NHSL2: variants seen among roughly 807,000 people sequenced by gnomAD.
The protein encoded by NHSL2 is NHS-like protein 2.
A neutral mutation model predicts 53.4 loss-of-function variants in NHSL2; 27 were observed. The observed-to-expected ratio is 0.51, with a 90% CI of 0.37 to 0.70. The LOEUF (loss-of-function observed/expected upper bound fraction) is 0.70, where lower values mean the gene tolerates loss of function less well. NHSL2 is among the 30% of genes least tolerant of loss of function. NHSL2 has a pLI of 0.00. For synonymous variants in NHSL2, 408 were observed against 404.1 expected (o/e 1.01, Z -0.12); for missense variants, 892 against 980.1 (o/e 0.91, Z 1.20).
Position 72,004,700 on chromosome X carries a change from G to A in NHSL2, c.280+93333G>A, listed in dbSNP as rs942149929. On this transcript the variant is annotated intron_variant, in intron 1 of 7. Coordinates refer to ENST00000633930, the MANE Select transcript of NHSL2 (RefSeq NM_001013627.3). ...CCTACCGCCCCGCCCCAGTCCCAGG[G>A]GACTGTCTGCTAGGACCTGTCCGCT... 6.5e-5 allele frequency among the ~76,000 whole-genome samples: 7 copies of A among 106,963 alleles called. No homozygotes were observed. In the South Asian group the frequency reaches 3.1e-3, roughly 47 times the overall value. The allele number at this position is 106,963 out of a possible 115,157, so 92.9% of individuals were successfully genotyped here.
chrX:72,119,283 G>A (rs1053869491), intron 1 of NHSL2, among the ~76,000 whole-genome samples: 1 of 111,829 alleles, frequency 8.9e-6, no homozygotes, highest in Non-Finnish European at 1.9e-5. Flanking sequence ...ATGGATTTTA[G>A]GATCAGGTGG....
chrX:72,094,909 G>T (rs941783003), intron 1 of NHSL2, among the ~76,000 whole-genome samples: 8 of 112,040 alleles, frequency 7.1e-5, no homozygotes, highest in Admixed American at 5.7e-4. Flanking sequence ...CCATTGCAAC[G>T]CAGGGTGCAG....
intron 1 of NHSL2, among the ~76,000 whole-genome samples, chrX:72,071,912 T>G (rs1420905017): frequency 8.9e-6 from 1 of 112,367 alleles, no homozygotes. Flanking sequence ...TGAGCCCCTC[T>G]CTTATCCTAC....
intron 1 of NHSL2, among the ~76,000 whole-genome samples, chrX:72,064,227 G>A (rs767662900): frequency 1.8e-5 from 2 of 111,843 alleles, no homozygotes; most frequent in East Asian, 2.8e-4. Flanking sequence ...AGGGGTAGCC[G>A]CTGGCAGGCT....
intron 1 of NHSL2, among the ~76,000 whole-genome samples, chrX:72,113,276 G>A (rs1413955278): frequency 9.0e-6 from 1 of 111,631 alleles, no homozygotes; most frequent in Admixed American, 9.5e-5. Context: ...GAAACAGATG[G>A]GAGGTGGGGT....
chrX:72,131,280 C>G, intron 1 of NHSL2: 1 of 1,200,122 alleles, frequency 8.3e-7, no homozygotes, highest in Non-Finnish European at 1.1e-6. Flanking sequence ...GAGGCCGGCA[C>G]AAGAAGGGCA....
intron 1 of NHSL2, among the ~76,000 whole-genome samples, chrX:71,915,401 TC>T (rs2041623445): frequency 9.0e-6 from 1 of 111,369 alleles, no homozygotes; most frequent in African/African-American, 3.3e-5. Context: ...ACACTTGACA[TC>T]CCGGACCCAG....
intron 1 of NHSL2, among the ~76,000 whole-genome samples, chrX:72,001,456 C>T (rs942693676): frequency 8.9e-6 from 1 of 111,824 alleles, no homozygotes; most frequent in Non-Finnish European, 1.9e-5. Flanking sequence ...GTACTTTTCC[C>T]ACCCCTGCCA....
At chrX:72,106,456 C>G (rs1196191622) in intron 1 of NHSL2, among the ~76,000 whole-genome samples, 2 of 111,878 alleles carry the variant, frequency 1.8e-5, no homozygotes, top group Non-Finnish European at 3.8e-5. Flanking sequence ...ATTAAAAAGT[C>G]AGGAAACAAC....
At chrX:72,038,572 A>G (rs1287752621) in intron 1 of NHSL2, among the ~76,000 whole-genome samples, 1 of 112,101 alleles carries the variant, frequency 8.9e-6, no homozygotes, top group African/African-American at 3.2e-5. Flanking sequence ...ATTTTACCAC[A>G]TACATATACA....
chrX:72,077,927 G>C (rs1043193797), intron 1 of NHSL2, among the ~76,000 whole-genome samples: 1 of 112,817 alleles, frequency 8.9e-6, no homozygotes, highest in Admixed American at 9.3e-5. Flanking sequence ...TAGGAAACAC[G>C]GGCCAGCTCC....
At chrX:71,949,106 A>G (rs900487457) in intron 1 of NHSL2, among the ~76,000 whole-genome samples, 2 of 110,982 alleles carry the variant, frequency 1.8e-5, no homozygotes, top group Non-Finnish European at 3.8e-5. Context: ...AAATTCTAAA[A>G]TTGTCATTCC....
chrX:72,109,572 C>G (rs1468717967), intron 1 of NHSL2, among the ~76,000 whole-genome samples: 1 of 112,059 alleles, frequency 8.9e-6, no homozygotes, highest in East Asian at 2.8e-4. Flanking sequence ...CAGGTTCAAG[C>G]CATTCTCCTG....
chrX:72,120,244 C>T (rs2042171998), intron 1 of NHSL2, among the ~76,000 whole-genome samples: 1 of 112,222 alleles, frequency 8.9e-6, no homozygotes, highest in Non-Finnish European at 1.9e-5. Flanking sequence ...ATTACCTCCT[C>T]TATATAGCTT....
At chrX:71,956,358 T>TC (rs777012053) in intron 1 of NHSL2, among the ~76,000 whole-genome samples, 5 of 111,308 alleles carry the variant, frequency 4.5e-5, no homozygotes, top group Non-Finnish European at 9.4e-5. Flanking sequence ...AGAACATGGT[T>TC]TTATTGTTGA....
At chrX:72,120,963 G>A (rs192610702) in intron 1 of NHSL2, among the ~76,000 whole-genome samples, 1 of 112,720 alleles carries the variant, frequency 8.9e-6, no homozygotes, top group East Asian at 2.8e-4. Context: ...GGGAAGAGCA[G>A]AAGGCAGCAG....
Position 72,146,135 on chromosome X carries a change from C to G in NHSL2, c.*2561C>G, listed in dbSNP as rs1249526972. The G allele has an allele frequency of 8.9e-6, 1 of 112,510 alleles. No individual in the cohort carries two copies. 9.3% of individuals were successfully genotyped at this position (112,510 alleles called of 1,213,427 possible). ...CACGCTGGTCTTGAACTCCTGAGCT[C>G]AAGCGATCCTCTCGCCTTGGCCTCC... On this transcript the variant is annotated 3_prime_UTR_variant, in exon 8 of 8. Transcript: ENST00000633930.
chrX:71,989,891 G>C (rs1384534341), intron 1 of NHSL2, among the ~76,000 whole-genome samples: 1 of 112,599 alleles, frequency 8.9e-6, no homozygotes, highest in African/African-American at 3.2e-5. Context: ...TTGAGCTTTG[G>C]AAGCCAGTAC....
chrX:71,984,790 T>G (rs2147870864), intron 1 of NHSL2, among the ~76,000 whole-genome samples: 1 of 109,287 alleles, frequency 9.2e-6, no homozygotes, highest in South Asian at 3.9e-4. Context: ...ACATAAGCCC[T>G]TTTTAAATTG....
Sources: gnomAD v4.1 joint callset for allele counts (sites outside exome capture counted in the v4.1 genomes callset) on GRCh38, gnomAD v4.1.1 for gene constraint, MANE v1.5 for transcripts, NCBI Gene and HGNC (gene_info 2026-07-23, HGNC 2026-07-21) for gene names.